The following ACAD10 variants were observed in gnomAD, a reference collection of about 807,000 sequenced individuals.
The protein encoded by ACAD10 is ACAD-10.
In ACAD10, 112 loss-of-function variants were observed where a neutral mutation model predicts 116.8. The ratio of observed to expected loss-of-function variants is 0.96; its 90% CI spans 0.82 to 1.12. The LOEUF (loss-of-function observed/expected upper bound fraction) is 1.12, where lower values mean the gene tolerates loss of function less well. Ranked by LOEUF, ACAD10 falls within the 50% of genes most tolerant of loss-of-function variation. The pLI is 0.00. For missense variants in ACAD10, 1,259 were observed against 1,350.2 expected, an observed-to-expected ratio of 0.93 and a Z score of 1.06; for synonymous variants, 486 against 510.6, an observed-to-expected ratio of 0.95 and a Z score of 0.65.
At chr12:111,737,566 A>G (rs942614711) in intron 12 of ACAD10, among the ~76,000 whole-genome samples, 6 of 152,182 alleles carry the variant, frequency 3.9e-5, no homozygotes, top group Non-Finnish European at 5.9e-5. Flanking sequence ...ATTCATGCAC[A>G]TGATCAAAAT....
intron 18 of ACAD10, 110 bp from the exon 19 acceptor site, chr12:111,753,662 C>T: frequency 6.9e-7 from 1 of 1,443,496 alleles, no homozygotes; most frequent in Non-Finnish European, 9.7e-7. Flanking sequence ...ACTCTCCTCC[C>T]CTGCCCTGTC....
chr12:111,746,900 A>G, intron 14 of ACAD10, 149 bp from the exon 15 acceptor site: 1 of 1,022,384 alleles, frequency 9.8e-7, no homozygotes, highest in African/African-American at 1.6e-5. Flanking sequence ...TGGGAAGCTG[A>G]GGCATGGGAG....
Position 111,744,842 on chromosome 12 carries a change from C to T in ACAD10, c.1914C>T (p.Ser638=), listed in dbSNP as rs369803395. The T allele has an allele frequency of 2.4e-5, 39 of 1,614,208 alleles. No individual in the cohort carries two copies. In the Middle Eastern group the frequency reaches 5.0e-4, roughly 20 times the overall value. ...WCPTGSRSYS[S]VPEASPAHTS... ...CCACAGGCAGCAGGAGTTATAGCTC[C>T]GTTCCAGAAGCTTCCCCAGCTCATA... Residue 638 remains serine (S), a synonymous_variant, in exon 13 of 21, where the codon TCC becomes TCT. Transcript: ENST00000313698.
rs7954443 is a variant in ACAD10, at chr12:111,715,146, G to A, written c.851-675G>A. Among the ~76,000 whole-genome samples, 924 of 152,350 alleles carry A rather than the reference G, an allele frequency of 6.1e-3. 11 individuals carry two copies. The highest frequency in any genetic ancestry group is 0.02 in the African/African-American group (848 of 41,584). ...GTAGTGGCCTCTGCACAGCTGAGGC[G>A]CCCACTCTGGCCAGCCAGAAGAACT... On this transcript the variant is annotated intron_variant, in intron 6 of 20. Transcript: ENST00000313698.
chr12:111,694,740 G>A (rs897724286), intron 2 of ACAD10, among the ~76,000 whole-genome samples: 9 of 152,208 alleles, frequency 5.9e-5, no homozygotes, highest in South Asian at 2.1e-4. Context: ...AACATGGATC[G>A]TGCTTCTGCG....
intron 17 of ACAD10, chr12:111,748,955 TCA>T: frequency 2.0e-6 from 3 of 1,511,260 alleles, no homozygotes; most frequent in Non-Finnish European, 9.1e-7. Flanking sequence ...ATAAAAGGAA[TCA>T]CAGAATAGTC....
chr12:111,687,540 A>G (rs757219322), intron 1 of ACAD10, among the ~76,000 whole-genome samples: 10 of 152,202 alleles, frequency 6.6e-5, no homozygotes, highest in Non-Finnish European at 8.8e-5. Flanking sequence ...TCACAGGGTT[A>G]TGTGAAAGTG....
chr12:111,716,003 C>T (rs368167631), intron 7 of ACAD10, 41 bp downstream of exon 7: 3 of 1,612,424 alleles, frequency 1.9e-6, no homozygotes, highest in Non-Finnish European at 1.7e-6. Context: ...CCACTAGCCT[C>T]CACTGTGCAC....
At chr12:111,744,603 C>A (rs780947602) in intron 12 of ACAD10, 40 bp from the exon 13 acceptor site, 3 of 1,578,796 alleles carry the variant, frequency 1.9e-6, no homozygotes, top group African/African-American at 2.7e-5. Context: ...TATGATGGGT[C>A]GTGTGGGAGT....
chr12:111,686,256 AGCTATCT>A lies in ACAD10; in HGVS notation c.-14+23_-14+29del, dbSNP rs1887843960. Reference sequence around the variant, plus strand: ...CTCCGCGAGGTCTCCGAATTGTCCGAGCTATCTGCTATGCAGAACTTTGCCCCTTTTG... The same window carrying A: ...CTCCGCGAGGTCTCCGAATTGTCCGAGCTATGCAGAACTTTGCCCCTTTTG... On this transcript the variant is annotated intron_variant, in intron 1 of 20. Transcript: ENST00000313698. 6.5e-6 allele frequency: 1 copy of A among 152,676 alleles called. No homozygotes were observed. Among genetic ancestry groups the A allele is most frequent in the African/African-American group, 2.4e-5 (1 of 41,446 alleles). The allele number at this position is 152,676 out of a possible 1,614,324, so 9.5% of individuals were successfully genotyped here.
At chr12:111,722,593 G>C (rs1306756664) in intron 8 of ACAD10, among the ~76,000 whole-genome samples, 1 of 151,610 alleles carries the variant, frequency 6.6e-6, no homozygotes, top group Non-Finnish European at 1.5e-5. Context: ...GACTCTTAAC[G>C]AGCATGCTGC....
chr12:111,754,505 G>A (rs565390984), intron 19 of ACAD10, among the ~76,000 whole-genome samples: 1 of 152,184 alleles, frequency 6.6e-6, no homozygotes, highest in South Asian at 2.1e-4. Flanking sequence ...GGCTAACTAA[G>A]GCTCTTTCTA....
intron 4 of ACAD10, 117 bp downstream of exon 4, chr12:111,706,049 T>C (rs1888493951): frequency 9.2e-7 from 1 of 1,086,790 alleles, no homozygotes. Flanking sequence ...CTTCAGCCAC[T>C]TGACTAAGTT....
intron 10 of ACAD10, among the ~76,000 whole-genome samples, chr12:111,732,233 T>A (rs913764290): frequency 1.5e-4 from 23 of 152,338 alleles, no homozygotes; most frequent in African/African-American, 4.3e-4. Context: ...GTAATTATAA[T>A]ACATGATAAA....
At chr12:111,693,671 C>T (rs1888117484) in intron 2 of ACAD10, among the ~76,000 whole-genome samples, 1 of 152,138 alleles carries the variant, frequency 6.6e-6, no homozygotes, top group Admixed American at 6.6e-5. Context: ...CCCTCTAAAC[C>T]TGCTTCTGGA....
chr12:111,718,527 T>A (rs1391925916), intron 7 of ACAD10, among the ~76,000 whole-genome samples: 1 of 152,154 alleles, frequency 6.6e-6, no homozygotes, highest in Non-Finnish European at 1.5e-5. Context: ...TCACCCAGGC[T>A]GGAGTGCAGT....
In ACAD10 at chr12:111,723,675, G is replaced by A. The variant is rs1162369623; in HGVS notation, c.1061+1936G>A. Among the ~76,000 whole-genome samples, 19 of 134,798 alleles carry A rather than the reference G, an allele frequency of 1.4e-4. No homozygotes were observed. In the East Asian group the frequency reaches 1.6e-3, roughly 11 times the overall value. 88.4% of individuals were successfully genotyped at this position (134,798 alleles called of 152,430 possible). On this transcript the variant is annotated intron_variant, in intron 8 of 20. Transcript: ENST00000313698. ...CCCCGACCTCCCTCCCGGACGGGGC[G>A]GGGGGCTGACCCCCCCCCCCACCTC... is the stretch of plus-strand genomic sequence containing the variant.
Position 111,750,815 on chromosome 12 carries a change from C to T in ACAD10, c.2817+1470C>T, listed in dbSNP as rs374806013. 7.2e-5 allele frequency among the ~76,000 whole-genome samples: 11 copies of T among 152,270 alleles called. No individual in the cohort carries two copies. The South Asian group carries it at 1.0e-3, about 14-fold the overall frequency. On this transcript the variant is annotated intron_variant, in intron 18 of 20. Coordinates refer to ENST00000313698, the MANE Select transcript of ACAD10 (RefSeq NM_025247.6). ...GTGATTATCAATTTCAGAAAGGTGA[C>T]GCAAACCCTGAGACCAAAACCAGTG...
Position 111,755,746 on chromosome 12 carries a change from G to A in ACAD10, c.3039+1G>A. 6.2e-7 allele frequency: 1 copy of A among 1,613,540 alleles called. No individual in the cohort carries two copies. The highest frequency in any genetic ancestry group is 8.5e-7 in the Non-Finnish European group (1 of 1,179,828). On this transcript the variant is annotated splice_donor_variant, in intron 20 of 20. Coordinates refer to ENST00000313698, the MANE Select transcript of ACAD10 (RefSeq NM_025247.6). LOFTEE classifies it high-confidence loss of function. ...CCGAGTGATTGATCGTGCGATTCAG[G>A]TGAGCACAGACCAGACAGTTGGCTT... is the stretch of plus-strand genomic sequence containing the variant.
Sources: allele counts gnomAD v4.1 joint callset (sites outside exome capture counted in the v4.1 genomes callset), GRCh38; gene constraint gnomAD v4.1.1; transcripts MANE v1.5; gene names NCBI Gene and HGNC (gene_info 2026-07-23, HGNC 2026-07-21).